Variants in NALCN observed in about 807,000 individuals in gnomAD.
NALCN encodes the protein sodium leak channel NALCN.
Under a neutral mutation model 225.3 loss-of-function variants are expected in NALCN, and 111 were observed. That is an observed-to-expected ratio of 0.49 (90% CI 0.42 to 0.58). NALCN has a LOEUF of 0.58. NALCN is among the 20% of genes least tolerant of loss of function. NALCN has a pLI of 0.00. For synonymous variants in NALCN, 764 were observed against 769.0 expected (o/e 0.99, Z 0.11); for missense variants, 1,378 against 2,202.4 (o/e 0.63, Z 7.49).
At chr13:101,140,175 T>C (rs908850029) in intron 17 of NALCN, among the ~76,000 whole-genome samples, 2 of 152,164 alleles carry the variant, frequency 1.3e-5, no homozygotes, top group African/African-American at 4.8e-5. Context: ...CATTCCACTT[T>C]CCAAGTGGGA....
chr13:101,316,487 T>C (rs1019286577), intron 7 of NALCN, among the ~76,000 whole-genome samples: 1 of 152,200 alleles, frequency 6.6e-6, no homozygotes, highest in African/African-American at 2.4e-5. Context: ...TTTCATGTGT[T>C]CAAGAACATT....
rs953817187 is a variant in NALCN, at chr13:101,408,448, C to A, written c.-40+7865G>T. ...TTAGCCTGGAGTCCTGCGTCTCCCC[C>A]AGCAACACAGCAGAGAACATGTTAG... On this transcript the variant is annotated intron_variant, in intron 1 of 43. Coordinates refer to ENST00000251127, the MANE Select transcript of NALCN (RefSeq NM_052867.4). Among the ~76,000 whole-genome samples the A allele has an allele frequency of 3.3e-5, 5 of 152,160 alleles. No homozygotes were observed. The South Asian group carries it at 6.2e-4, about 19-fold the overall frequency.
intron 15 of NALCN, among the ~76,000 whole-genome samples, chr13:101,146,684 A>G (rs1204016255): frequency 6.6e-6 from 1 of 152,248 alleles, no homozygotes; most frequent in Non-Finnish European, 1.5e-5. Flanking sequence ...TTGTTAATTC[A>G]TGCATTTGCT....
At chr13:101,328,302 G>A (rs66925530) in intron 7 of NALCN, among the ~76,000 whole-genome samples, 11,728 of 152,176 alleles carry the variant, frequency 0.077, 573 homozygotes, top group African/African-American at 0.13. Flanking sequence ...AAAGTAAAAT[G>A]TGAGTACTGT....
At chr13:101,176,446 G>A in intron 14 of NALCN, 72 bp from the exon 15 acceptor site, 6 of 1,059,488 alleles carry the variant, frequency 5.7e-6, no homozygotes, top group Non-Finnish European at 8.1e-6. Context: ...GTATAATATA[G>A]CTACCTAAAA....
chr13:101,407,390 T>C (rs2047655054), intron 1 of NALCN, among the ~76,000 whole-genome samples: 1 of 152,216 alleles, frequency 6.6e-6, no homozygotes, highest in African/African-American at 2.4e-5. Context: ...ATATCCAAAG[T>C]GACTTCCAAT....
intron 18 of NALCN, chr13:101,116,337 C>G (rs11619100): frequency 0.018 from 4,093 of 232,280 alleles, 56 homozygotes; most frequent in Middle Eastern, 0.068. Flanking sequence ...TATATATAAT[C>G]TTTTATGGAC....
intron 7 of NALCN, among the ~76,000 whole-genome samples, chr13:101,310,357 C>A (rs1278371572): frequency 6.6e-6 from 1 of 152,138 alleles, no homozygotes; most frequent in Non-Finnish European, 1.5e-5. Context: ...TCATTCAAGA[C>A]CTGTTGGCCT....
chr13:101,128,777 G>C (rs1468192178), intron 17 of NALCN, among the ~76,000 whole-genome samples: 1 of 151,818 alleles, frequency 6.6e-6, no homozygotes, highest in Admixed American at 6.6e-5. Context: ...GCACAGGCTG[G>C]TCTTGAAATG....
intron 6 of NALCN, among the ~76,000 whole-genome samples, chr13:101,349,509 T>A (rs1252147923): frequency 6.6e-6 from 1 of 152,174 alleles, no homozygotes; most frequent in East Asian, 1.9e-4. Context: ...GGACCCAACC[T>A]AACTCCATGA....
intron 3 of NALCN, among the ~76,000 whole-genome samples, chr13:101,384,694 G>C (rs1390198579): frequency 6.6e-6 from 1 of 152,158 alleles, no homozygotes; most frequent in Non-Finnish European, 1.5e-5. Flanking sequence ...TGCAATGCAT[G>C]AAGTGCTCTG....
intron 6 of NALCN, among the ~76,000 whole-genome samples, chr13:101,352,926 A>G (rs1251649105): frequency 6.6e-6 from 1 of 152,218 alleles, no homozygotes; most frequent in Admixed American, 6.5e-5. Context: ...CCAAGCTACA[A>G]TACATTTCTG....
chr13:101,230,509 C>A (rs1467340253), intron 12 of NALCN, among the ~76,000 whole-genome samples: 1 of 152,182 alleles, frequency 6.6e-6, no homozygotes, highest in Non-Finnish European at 1.5e-5. Context: ...TGGGTTCAGA[C>A]CTACGGAATG....
At chr13:101,101,832 A>G (rs1362050792) in intron 26 of NALCN, among the ~76,000 whole-genome samples, 1 of 152,126 alleles carries the variant, frequency 6.6e-6, no homozygotes, top group African/African-American at 2.4e-5. Context: ...CTAAACATAT[A>G]CCTAAGTGTA....
intron 13 of NALCN, among the ~76,000 whole-genome samples, chr13:101,209,804 C>G (rs757007208): frequency 6.6e-6 from 1 of 152,144 alleles, no homozygotes; most frequent in Non-Finnish European, 1.5e-5. Context: ...TCCCAAGAGA[C>G]AGCAAATGTG....
At chr13:101,396,876 A>C (rs1275773756) in intron 2 of NALCN, among the ~76,000 whole-genome samples, 3 of 151,724 alleles carry the variant, frequency 2.0e-5, no homozygotes, top group African/African-American at 7.3e-5. Flanking sequence ...ATAAGTTTGT[A>C]GAAAGCTCTG....
intron 28 of NALCN, among the ~76,000 whole-genome samples, chr13:101,094,803 TAA>T (rs987617490): frequency 2.6e-5 from 4 of 152,194 alleles, no homozygotes; most frequent in Non-Finnish European, 5.9e-5. Flanking sequence ...CTGTTCCTTT[TAA>T]AGAGTTTTGA....
intron 10 of NALCN, among the ~76,000 whole-genome samples, chr13:101,282,605 A>G (rs1467073027): frequency 1.3e-5 from 2 of 152,154 alleles, no homozygotes; most frequent in African/African-American, 4.8e-5. Context: ...ATAATACTGT[A>G]TTGTATACAT....
At chr13:101,157,133 A>T (rs902949976) in intron 15 of NALCN, among the ~76,000 whole-genome samples, 1 of 152,180 alleles carries the variant, frequency 6.6e-6, no homozygotes, top group African/African-American at 2.4e-5. Flanking sequence ...AGTACAAGTT[A>T]TCAAGGCAGA....
Sources: allele counts gnomAD v4.1 joint callset (sites outside exome capture counted in the v4.1 genomes callset), GRCh38; gene constraint gnomAD v4.1.1; transcripts MANE v1.5; gene names NCBI Gene and HGNC (gene_info 2026-07-23, HGNC 2026-07-21).